Variants in CACNA1E observed in about 807,000 individuals in gnomAD.
CACNA1E encodes the protein voltage-dependent R-type calcium channel subunit alpha-1E.
CACNA1E carries 40 observed loss-of-function variants against 259.2 expected under a neutral mutation model. The observed-to-expected ratio is 0.15, with a 90% CI of 0.12 to 0.20. The LOEUF (loss-of-function observed/expected upper bound fraction) is 0.20, where lower values mean the gene tolerates loss of function less well. CACNA1E is among the 10% of genes least tolerant of loss of function. The pLI is 1.00. For synonymous variants in CACNA1E, 1,104 were observed against 1,138.5 expected, an observed-to-expected ratio of 0.97 and a Z score of 0.61; for missense variants, 1,874 against 3,040.1, an observed-to-expected ratio of 0.62 and a Z score of 9.02.
chr1:181,771,351 G>A lies in CACNA1E; in HGVS notation c.4940G>A (p.Arg1647Gln), dbSNP rs1317486763. 8 of 1,603,488 alleles carry A rather than the reference G, an allele frequency of 5.0e-6. No individual in the cohort carries two copies. The highest frequency in any genetic ancestry group is 3.4e-5 in the South Asian group (3 of 89,086). ...CACATCAACCGGCACAACAACTTCC[G>A]GAGTTTCTTTGGGTCCCTAATGCTA... ...ESHINRHNNF[R>Q]SFFGSLMLLF... Residue 1647 changes from arginine to glutamine, a missense_variant, in exon 36 of 48, where the codon CGG becomes CAG. By Grantham distance (43) the Arg-to-Gln change is conservative. Around this residue, in one of 14 missense-constraint regions of CACNA1E, gnomAD observed 147 missense variants for 337.1 expected, o/e 0.44. Transcript: ENST00000367573.
At chr1:181,409,258 T>A (rs1275761742) in intron 1 of CACNA1E, among the ~76,000 whole-genome samples, 1 of 152,230 alleles carries the variant, frequency 6.6e-6, no homozygotes, top group African/African-American at 2.4e-5. Context: ...ATGCAAAGCT[T>A]GAAATATTTA....
intron 2 of CACNA1E, among the ~76,000 whole-genome samples, chr1:181,471,407 G>A (rs1662498206): frequency 6.6e-6 from 1 of 152,186 alleles, no homozygotes; most frequent in East Asian, 1.9e-4. Flanking sequence ...GCCTTATTTG[G>A]GAAATGGTTG....
chr1:181,473,279 G>A (rs868383674), intron 2 of CACNA1E, among the ~76,000 whole-genome samples: 7 of 152,088 alleles, frequency 4.6e-5, no homozygotes, highest in Non-Finnish European at 8.8e-5. Flanking sequence ...CTCAGGGTTG[G>A]GACATTTTGG....
At chr1:181,743,489 G>A (rs941324794) in intron 25 of CACNA1E, among the ~76,000 whole-genome samples, 2 of 152,198 alleles carry the variant, frequency 1.3e-5, no homozygotes, top group African/African-American at 2.4e-5. Flanking sequence ...CTGCTTTGGG[G>A]GACCCTGCTC....
At chr1:181,472,315 T>C (rs184221992) in intron 2 of CACNA1E, among the ~76,000 whole-genome samples, 138 of 152,164 alleles carry the variant, frequency 9.1e-4, no homozygotes, top group Middle Eastern at 3.4e-3. Flanking sequence ...ATGTGGGGCA[T>C]GTGGAATAAA....
chr1:181,605,940 C>T (rs1654194119), intron 6 of CACNA1E, among the ~76,000 whole-genome samples: 2 of 152,152 alleles, frequency 1.3e-5, no homozygotes, highest in East Asian at 1.9e-4. Context: ...ACCTTCAGTA[C>T]AGTATATGGA....
In CACNA1E at chr1:181,798,386, A is replaced by G; in HGVS notation, c.6494A>G (p.Lys2165Arg). The change falls in exon 48 of 48, where the codon AAG becomes AGG. Residue 2165 changes from lysine (K) to arginine (R), a missense_variant. Around this residue, in one of 14 missense-constraint regions of CACNA1E, gnomAD observed 542 missense variants for 587.2 expected, o/e 0.92. Transcript: ENST00000367573. The surrounding 1 kb of genome is among the most constrained non-coding windows in gnomAD (Gnocchi z 4.2). ...CGGCAGCTCCCACCCGTCCCGCCAA[A>G]GCCCCGGCCCCTCCTTTCCTACAGC... The part of the protein sequence containing the change: ...SRRQLPPVPP[K>R]PRPLLSYSSL... The G allele has an allele frequency of 6.2e-7, 1 of 1,613,268 alleles. No homozygotes were observed. Among genetic ancestry groups the G allele is most frequent in the Non-Finnish European group, 8.5e-7 (1 of 1,179,848 alleles).
rs777092360 is a variant in CACNA1E, at chr1:181,529,988, CA to C, written c.512+18479del. 2.3e-4 allele frequency among the ~76,000 whole-genome samples: 35 copies of C among 152,058 alleles called. 1 individual carries two copies. The highest frequency in any genetic ancestry group is 4.2e-4 in the South Asian group (2 of 4,816). On this transcript the variant is annotated intron_variant, in intron 3 of 47. Transcript: ENST00000367573. The stretch of plus-strand genomic sequence containing the variant: ...GTGAGGACATGAGATTTGGAGGGGC[CA>C]GGGGTGGAATGATATGGTTTGGCTG...
intron 1 of CACNA1E, among the ~76,000 whole-genome samples, chr1:181,319,259 A>G (rs1650162644): frequency 6.6e-6 from 1 of 152,222 alleles, no homozygotes; most frequent in Non-Finnish European, 1.5e-5. Context: ...TAATCCACAG[A>G]GCAGGCTGAA....
chr1:181,487,660 G>A (rs1193293179), intron 1 of CACNA1E, among the ~76,000 whole-genome samples: 6 of 152,146 alleles, frequency 3.9e-5, no homozygotes, highest in African/African-American at 1.4e-4. Context: ...GCTGTTCTGA[G>A]TGCCCTCCCA....
intron 1 of CACNA1E, among the ~76,000 whole-genome samples, chr1:181,333,215 C>A (rs1057096598): frequency 1.3e-5 from 2 of 152,184 alleles, no homozygotes; most frequent in Non-Finnish European, 2.9e-5. Flanking sequence ...TCCCTTCTGG[C>A]ATGAACACAC....
chr1:181,780,507 T>C (rs1003752133), intron 38 of CACNA1E, among the ~76,000 whole-genome samples: 2 of 152,134 alleles, frequency 1.3e-5, no homozygotes, highest in African/African-American at 4.8e-5. Context: ...GAAGATGACC[T>C]AGGCTCAGGA....
At chr1:181,515,991 G>T (rs531882403) in intron 3 of CACNA1E, among the ~76,000 whole-genome samples, 154 of 151,998 alleles carry the variant, frequency 1.0e-3, no homozygotes, top group African/African-American at 3.6e-3. Context: ...GCCTGGCTGA[G>T]CCAGGCAGTG....
intron 7 of CACNA1E, among the ~76,000 whole-genome samples, chr1:181,662,875 T>G (rs969591330): frequency 6.6e-6 from 1 of 152,208 alleles, no homozygotes; most frequent in African/African-American, 2.4e-5. Context: ...GGCCATCAGC[T>G]TAGACACTCC....
intron 7 of CACNA1E, among the ~76,000 whole-genome samples, chr1:181,675,037 T>G (rs147539110): frequency 1.4e-3 from 220 of 152,356 alleles, no homozygotes; most frequent in African/African-American, 5.0e-3. Context: ...TTTGGGGATT[T>G]CCTTTCCTTT....
chr1:181,386,822 C>G (rs1655886382), intron 1 of CACNA1E, among the ~76,000 whole-genome samples: 1 of 152,208 alleles, frequency 6.6e-6, no homozygotes, highest in African/African-American at 2.4e-5. Context: ...AACACTGAAG[C>G]CTCTTGTACT....
rs542914391 is a variant in CACNA1E, at chr1:181,548,259, G to A, written c.513-29507G>A. ...CCTGCCTCAACCTCTTGAGTAGCTG[G>A]GATTACAGGTGCGTGCCACTACCAC... On this transcript the variant is annotated intron_variant, in intron 3 of 47. Coordinates refer to ENST00000367573, the MANE Select transcript of CACNA1E (RefSeq NM_001205293.3). 2.8e-4 allele frequency among the ~76,000 whole-genome samples: 42 copies of A among 151,732 alleles called. 2 individuals carry two copies. In the South Asian group the frequency reaches 4.4e-3, roughly 16 times the overall value.
chr1:181,598,730 C>T (rs929004292), intron 6 of CACNA1E, among the ~76,000 whole-genome samples: 1 of 152,192 alleles, frequency 6.6e-6, no homozygotes, highest in East Asian at 1.9e-4. Flanking sequence ...GGGAATTAGT[C>T]TAATGAACTA....
At chr1:181,439,301 A>T (rs1660290805) in intron 2 of CACNA1E, among the ~76,000 whole-genome samples, 1 of 151,172 alleles carries the variant, frequency 6.6e-6, no homozygotes, top group Admixed American at 6.6e-5. Flanking sequence ...TTTCCCTGTA[A>T]ATTTTAGAAG....
Sources: gnomAD v4.1 joint callset for allele counts (sites outside exome capture counted in the v4.1 genomes callset) on GRCh38, gnomAD v4.1.1 for gene constraint, gnomAD v4.1.1 regional missense constraint, Gnocchi (gnomAD v3.1) non-coding constraint, MANE v1.5 for transcripts, NCBI Gene and HGNC (gene_info 2026-07-23, HGNC 2026-07-21) for gene names.